MET: variants seen among roughly 807,000 people sequenced by gnomAD.
MET encodes the protein MET proto-oncogene, receptor tyrosine kinase.
A neutral mutation model predicts 133.1 loss-of-function variants in MET; 48 were observed. That is an observed-to-expected ratio of 0.36 (90% confidence interval 0.29 to 0.46). The LOEUF (loss-of-function observed/expected upper bound fraction) is 0.46, where lower values mean the gene tolerates loss of function less well. Among genes scored for constraint, MET ranks in the 20% least tolerant of loss-of-function variants. The probability of loss-of-function intolerance (pLI) is 1.00; values close to 1 mark genes in which losing one functional copy is unlikely to be tolerated. For missense variants in MET, 1,442 were observed against 1,695.9 expected, an observed-to-expected ratio of 0.85 and a Z score of 2.63; for synonymous variants, 628 against 616.5, an observed-to-expected ratio of 1.02 and a Z score of -0.28.
chr7:116,699,001 G>C (rs745995913), intron 1 of MET, 70 bp from the exon 2 acceptor site: 1 of 1,602,418 alleles, frequency 6.2e-7, no homozygotes, highest in Non-Finnish European at 8.5e-7. Context: ...AGATTAAATG[G>C]TATAGGTCTT....
At position 116,738,772 on chromosome 7, in the gene MET, A is replaced by G. The variant is rs567636506; in HGVS notation, c.1393-1178A>G. 2.2e-4 allele frequency among the ~76,000 whole-genome samples: 34 copies of G among 152,370 alleles called. 1 individual carries two copies. Among genetic ancestry groups the G allele is most frequent in the Middle Eastern group, 3.4e-3 (1 of 294 alleles). ...CTTTGTTATGCTGAAGAAAAAATTT[A>G]CAATTGTTCCCCAGAACATTTATAT... On this transcript the variant is annotated intron_variant, in intron 3 of 20. Coordinates refer to ENST00000397752, the MANE Select transcript of MET (RefSeq NM_000245.4).
intron 19 of MET, among the ~76,000 whole-genome samples, chr7:116,794,668 G>T (rs899668490): frequency 2.0e-5 from 3 of 152,102 alleles, no homozygotes; most frequent in Non-Finnish European, 4.4e-5. Context: ...TTTTCCTTCT[G>T]CTCCAAGCTT....
At chr7:116,677,631 A>G (rs1012770452) in intron 1 of MET, among the ~76,000 whole-genome samples, 1 of 152,244 alleles carries the variant, frequency 6.6e-6, no homozygotes, top group Non-Finnish European at 1.5e-5. Context: ...TGGGCTCCTG[A>G]TGGTCCCAAT....
intron 5 of MET, among the ~76,000 whole-genome samples, chr7:116,753,087 G>A (rs1374578858): frequency 1.3e-5 from 2 of 152,198 alleles, no homozygotes; most frequent in Non-Finnish European, 2.9e-5. Context: ...TGGGTAAAAT[G>A]GCTATCATAA....
intron 11 of MET, among the ~76,000 whole-genome samples, chr7:116,766,021 G>A (rs1794613510): frequency 6.6e-6 from 1 of 152,104 alleles, no homozygotes; most frequent in Non-Finnish European, 1.5e-5. Context: ...CCATTATAGA[G>A]ACACTTTTCT....
intron 17 of MET, among the ~76,000 whole-genome samples, chr7:116,781,297 G>A (rs1458104635): frequency 6.6e-6 from 1 of 152,150 alleles, no homozygotes; most frequent in Non-Finnish European, 1.5e-5. Context: ...GCATGACAGG[G>A]TGTGCCTCCT....
rs199883640 is a variant in MET at position 116,782,059 on chromosome 7, A to G, written c.3594A>G (p.Lys1198=). ...AAGGCATGAAATATCTTGCAAGCAA[A>G]AAGTTTGTCCACAGAGACTTGGCTG... The part of the protein sequence containing the change: ...VAKGMKYLAS[K]KFVHRDLAAR... The change falls in exon 18 of 21, where the codon AAA becomes AAG. Residue 1198 remains lysine, a synonymous_variant. Coordinates refer to ENST00000397752, the MANE Select transcript of MET (RefSeq NM_000245.4). The G allele has an allele frequency of 2.7e-5, 44 of 1,613,862 alleles. No homozygotes were observed. Among genetic ancestry groups the G allele is most frequent in the Non-Finnish European group, 3.3e-5 (39 of 1,179,868 alleles).
intron 1 of MET, among the ~76,000 whole-genome samples, chr7:116,685,687 AAAAAAT>A (rs1218701804): frequency 2.6e-5 from 4 of 152,090 alleles, no homozygotes; most frequent in Non-Finnish European, 5.9e-5. Flanking sequence ...CTCCATGTCA[AAAAAAT>A]AAAAATAAAA....
At chr7:116,688,235 T>G (rs1796629353) in intron 1 of MET, among the ~76,000 whole-genome samples, 1 of 152,184 alleles carries the variant, frequency 6.6e-6, no homozygotes, top group African/African-American at 2.4e-5. Context: ...TGCCTCTTTT[T>G]TTTTTTAATA....
chr7:116,753,254 A>G (rs1282994326), intron 5 of MET, among the ~76,000 whole-genome samples: 1 of 152,240 alleles, frequency 6.6e-6, no homozygotes, highest in African/African-American at 2.4e-5. Context: ...GATGTTCACA[A>G]GCTGAGCTTT....
intron 1 of MET, among the ~76,000 whole-genome samples, chr7:116,695,457 T>G (rs1246668877): frequency 4.6e-5 from 7 of 152,212 alleles, no homozygotes; most frequent in Non-Finnish European, 1.0e-4. Flanking sequence ...CTCTTTTTGA[T>G]CCTTAAAATG....
At chr7:116,752,281 A>G (rs1584934821) in intron 5 of MET, among the ~76,000 whole-genome samples, 1 of 152,044 alleles carries the variant, frequency 6.6e-6, no homozygotes, top group African/African-American at 2.4e-5. Flanking sequence ...TAGTTTTCTC[A>G]TGTTTTATCC....
chr7:116,681,929 G>T (rs936401139), intron 1 of MET, among the ~76,000 whole-genome samples: 1 of 146,924 alleles, frequency 6.8e-6, no homozygotes, highest in Admixed American at 6.7e-5. Context: ...CCAAAGCAGA[G>T]ATTGTTGACA....
rs566214192 is a variant in MET, at chr7:116,720,097, C to T, written c.1201-11571C>T. On this transcript the variant is annotated intron_variant, in intron 2 of 20. Coordinates refer to ENST00000397752, the MANE Select transcript of MET (RefSeq NM_000245.4). ...ACCTTGGGCAGTATGGCCATTTTCA[C>T]GATATGGATTCTTCCTACCCATGAG... is the stretch of plus-strand genomic sequence containing the variant. 1.9e-3 allele frequency among the ~76,000 whole-genome samples: 284 copies of T among 151,048 alleles called. 2 individuals are homozygous for T. The highest frequency in any genetic ancestry group is 6.3e-3 in the African/African-American group (259 of 41,072).
chr7:116,716,593 A>G (rs1229733734), intron 2 of MET, among the ~76,000 whole-genome samples: 1 of 152,190 alleles, frequency 6.6e-6, no homozygotes, highest in East Asian at 1.9e-4. Flanking sequence ...AAACTTACGG[A>G]GAGGGTAGCT....
intron 1 of MET, among the ~76,000 whole-genome samples, chr7:116,679,647 G>T (rs1192457673): frequency 6.6e-6 from 1 of 152,166 alleles, no homozygotes; most frequent in Non-Finnish European, 1.5e-5. Flanking sequence ...ATCACGAGTT[G>T]TCATAATATA....
intron 11 of MET, among the ~76,000 whole-genome samples, chr7:116,764,009 A>G (rs1032481283): frequency 6.6e-5 from 10 of 152,228 alleles, no homozygotes; most frequent in African/African-American, 2.4e-4. Flanking sequence ...ATCCTTCAAC[A>G]TGTTGTTAAA....
chr7:116,675,161 G>A (rs753409176), intron 1 of MET, among the ~76,000 whole-genome samples: 29 of 152,298 alleles, frequency 1.9e-4, no homozygotes, highest in Middle Eastern at 3.4e-3. Flanking sequence ...TTGATGATGT[G>A]TTCTCAACTG....
At chr7:116,691,825 A>G (rs1796788090) in intron 1 of MET, among the ~76,000 whole-genome samples, 1 of 152,206 alleles carries the variant, frequency 6.6e-6, no homozygotes, top group African/African-American at 2.4e-5. Context: ...CTTTGGCCAC[A>G]TACTCAACCC....
Sources: allele counts gnomAD v4.1 joint callset (sites outside exome capture counted in the v4.1 genomes callset), GRCh38; gene constraint gnomAD v4.1.1; transcripts MANE v1.5; gene names NCBI Gene and HGNC (gene_info 2026-07-23, HGNC 2026-07-21).